DDX54: variants seen among roughly 807,000 people sequenced by gnomAD.
DDX54 encodes DEAD-box helicase 54.
In DDX54, 67 loss-of-function variants were observed where a neutral mutation model predicts 105.5. That is an observed-to-expected ratio of 0.64 (90% CI 0.52 to 0.78). The LOEUF is 0.78. DDX54 is among the 30% of genes least tolerant of loss of function. DDX54 has a pLI of 0.00. For missense variants in DDX54, 1,206 were observed against 1,230.5 expected (o/e 0.98, Z 0.30); for synonymous variants, 514 against 509.9 (o/e 1.01, Z -0.11).
rs758743505 is a variant in DDX54 at position 113,172,575 on chromosome 12, A to C, written c.1069-12T>G. 2.2e-5 allele frequency: 36 copies of C among 1,613,402 alleles called. No homozygotes were observed. Among genetic ancestry groups the C allele is most frequent in the Non-Finnish European group, 3.0e-5 (35 of 1,179,688 alleles). ...TGGGTCGTCAGCAGCTGCTCAGAGC[A>C]AAGATGGTAGCAAAGTGAGAAGGAG... On this transcript the variant is annotated splice_polypyrimidine_tract_variant and intron_variant, in intron 10 of 19. Transcript: ENST00000306014.
chr12:113,185,343 G>A lies in DDX54; in HGVS notation c.109C>T (p.Arg37Cys). 8.2e-6 allele frequency: 13 copies of A among 1,584,638 alleles called. No individual in the cohort carries two copies. Among genetic ancestry groups the A allele is most frequent in the Non-Finnish European group, 1.1e-5 (13 of 1,168,880 alleles). The change falls in exon 1 of 20, where the codon CGC (arginine) becomes TGC (cysteine). Residue 37 changes from arginine (R) to cysteine (C), a missense_variant. Arg to Cys is a radical substitution (Grantham distance 180, BLOSUM62 -3). This residue lies in a region of DDX54 where 212 missense variants were observed against 155.4 expected (regional missense o/e 1.36). Transcript: ENST00000306014. ...RKRRGAASQA[R>C]GSDSEDGEFE... ...TCGCCGTCCTCCGAGTCGCTGCCGC[G>A]GGCCTGGGAGGCCGCGCCTCGGCGC... is the stretch of plus-strand genomic sequence containing the variant.
intron 12 of DDX54, chr12:113,167,968 G>A (rs1385497657): frequency 3.9e-6 from 2 of 506,408 alleles, no homozygotes; most frequent in South Asian, 1.4e-5. Flanking sequence ...CTTGGCCCTT[G>A]CACTCTCAGC....
chr12:113,173,243 G>A (rs1264871654), intron 10 of DDX54, among the ~76,000 whole-genome samples: 1 of 152,196 alleles, frequency 6.6e-6, no homozygotes, highest in Non-Finnish European at 1.5e-5. Flanking sequence ...TACAGTCCCA[G>A]GTACTTCGGA....
In DDX54 at chr12:113,161,370, C is replaced by G. The variant is rs904522336; in HGVS notation, c.2313G>C (p.Trp771Cys). The part of the protein sequence containing the change: ...SSYKRDLYQK[W>C]KQKQKIDDRD... ...GATCATCAATTTTCTGTTTCTGTTT[C>G]CACTTCTGATAGCTGGGAAACCTCG... is the stretch of plus-strand genomic sequence containing the variant. Residue 771 changes from tryptophan (W) to cysteine (C), a missense_variant, in exon 19 of 20, where the codon TGG (tryptophan) becomes TGC (cysteine). Physicochemically the swap from Trp to Cys is radical, Grantham distance 215. Around this residue, in one of 3 missense-constraint regions of DDX54, gnomAD observed 961 missense variants for 1,019.1 expected, o/e 0.94. Transcript: ENST00000306014. The G allele has an allele frequency of 6.2e-7, 1 of 1,612,740 alleles. No homozygotes were observed. Among genetic ancestry groups the G allele is most frequent in the Non-Finnish European group, 8.5e-7 (1 of 1,179,368 alleles).
At chr12:113,175,657 C>T (rs777855527) in intron 7 of DDX54, among the ~76,000 whole-genome samples, 59 of 152,124 alleles carry the variant, frequency 3.9e-4, no homozygotes, top group South Asian at 6.2e-4. Context: ...GGCGTGGTGG[C>T]GGGCGCCTGT....
At chr12:113,184,048 G>C (rs1952495935) in intron 1 of DDX54, among the ~76,000 whole-genome samples, 1 of 152,132 alleles carries the variant, frequency 6.6e-6, no homozygotes, top group South Asian at 2.1e-4. Flanking sequence ...CCAGTTTCAA[G>C]CGATTCTCCT....
chr12:113,174,531 G>T, intron 10 of DDX54, 109 bp downstream of exon 10: 1 of 1,450,946 alleles, frequency 6.9e-7, no homozygotes, highest in Non-Finnish European at 9.2e-7. Flanking sequence ...TTGAGCCCAG[G>T]CCCAGGCTCC....
At chr12:113,182,708 C>T (rs111265589) in intron 1 of DDX54, among the ~76,000 whole-genome samples, 7,502 of 151,988 alleles carry the variant, frequency 0.049, 261 homozygotes, top group Middle Eastern at 0.068. Context: ...CAGGCACATG[C>T]CACCAGCCCG....
In DDX54 at chr12:113,185,476, A is replaced by G. The variant is rs1051047086; in HGVS notation, c.-25T>C. On this transcript the variant is annotated 5_prime_UTR_variant, in exon 1 of 20. Transcript: ENST00000306014. Reference sequence around the variant, plus strand: ...TTCGGGCCGCGCGCTGGGAACGCAGAAGGGGGCGTGGCCTGAGGAGCGCAC... The same window carrying G: ...TTCGGGCCGCGCGCTGGGAACGCAGGAGGGGGCGTGGCCTGAGGAGCGCAC... The G allele has an allele frequency of 1.0e-5, 15 of 1,474,212 alleles. No individual in the cohort carries two copies. The highest frequency in any genetic ancestry group is 1.5e-5 in the African/African-American group (1 of 66,830). 91.3% of individuals were successfully genotyped at this position (1,474,212 alleles called of 1,614,324 possible).
In DDX54 at chr12:113,179,927, C is replaced by T. The variant is rs201015296; in HGVS notation, c.375+8G>A. On this transcript the variant is annotated splice_region_variant and intron_variant, in intron 3 of 19. Coordinates refer to ENST00000306014, the MANE Select transcript of DDX54 (RefSeq NM_024072.4). The stretch of plus-strand genomic sequence containing the variant: ...TCGCCCTCACCCGTCGACCGCCCCA[C>T]CCCTCACCTTCCTCTGGATGGGTGT... The T allele has an allele frequency of 7.6e-5, 122 of 1,614,118 alleles. No homozygotes were observed. The African/African-American group carries it at 1.4e-3, about 18-fold the overall frequency.
At chr12:113,177,186 C>G (rs540408235) in intron 5 of DDX54, 93 bp from the exon 6 acceptor site, 3 of 1,459,584 alleles carry the variant, frequency 2.1e-6, no homozygotes, top group East Asian at 4.6e-5. Flanking sequence ...CACACCCCAT[C>G]CCCAGGAACA....
In DDX54 at chr12:113,158,236, C is replaced by T. The variant is rs7978390; in HGVS notation, c.*641G>A. ...CAGAGGGGAGCAGCTGTGTCCTTGC[C>T]CCCTGGGCTGGGCATCCTGTTCCCC... On this transcript the variant is annotated 3_prime_UTR_variant, in exon 20 of 20. Transcript: ENST00000306014. The surrounding 1 kb of genome is among the most constrained non-coding windows in gnomAD (Gnocchi z 4.9). 5,801 of 154,090 alleles carry T rather than the reference C, an allele frequency of 0.038. 289 individuals carry two copies. The highest frequency in any genetic ancestry group is 0.2 in the East Asian group (1,061 of 5,210). 9.5% of individuals were successfully genotyped at this position (154,090 alleles called of 1,614,324 possible).
In DDX54 at chr12:113,157,291, G is replaced by A; in HGVS notation, c.*1586C>T. 1 of 399,130 alleles carries A rather than the reference G, an allele frequency of 2.5e-6. No homozygotes were observed. The highest frequency in any genetic ancestry group is 4.6e-6 in the Non-Finnish European group (1 of 219,010). 24.7% of individuals were successfully genotyped at this position (399,130 alleles called of 1,614,324 possible). ...AGGTCACAAACCAATGAATATGACT[G>A]ATCCAGTTACAAGAAAATAAAGCTG... On this transcript the variant is annotated 3_prime_UTR_variant, in exon 20 of 20. Transcript: ENST00000306014.
chr12:113,159,734 AAGC>A (rs902965551), intron 19 of DDX54, among the ~76,000 whole-genome samples: 4 of 152,076 alleles, frequency 2.6e-5, no homozygotes, highest in Admixed American at 2.6e-4. Flanking sequence ...TCACACAGCA[AAGC>A]AGCAGCAGCA....
chr12:113,159,835 C>T (rs1267568366), intron 19 of DDX54, among the ~76,000 whole-genome samples: 1 of 152,100 alleles, frequency 6.6e-6, no homozygotes, highest in Non-Finnish European at 1.5e-5. Context: ...CACCACCCTC[C>T]CTGGCTCCCA....
chr12:113,179,337 G>T lies in DDX54; in HGVS notation c.376-6C>A. On this transcript the variant is annotated splice_polypyrimidine_tract_variant and splice_region_variant and intron_variant, in intron 3 of 19. Transcript: ENST00000306014. ...TCCAAGATCACCGGGATGGTCTGGAGAGGCACAAGCAGGGAAGTCAAGGTC... is the reference window on the plus strand; with the variant it reads ...TCCAAGATCACCGGGATGGTCTGGATAGGCACAAGCAGGGAAGTCAAGGTC... The T allele has an allele frequency of 1.9e-6, 3 of 1,611,854 alleles. No individual in the cohort carries two copies. Among genetic ancestry groups the T allele is most frequent in the Non-Finnish European group, 2.5e-6 (3 of 1,179,918 alleles).
intron 19 of DDX54, 99 bp downstream of exon 19, chr12:113,161,171 C>T: frequency 1.1e-6 from 1 of 904,072 alleles, no homozygotes; most frequent in Non-Finnish European, 1.6e-6. Context: ...AGCTCTGGGG[C>T]TCTGCAGTAG....
At position 113,169,855 on chromosome 12, in the gene DDX54, G is replaced by A. The variant is rs200652285; in HGVS notation, c.1329C>T (p.Ala443=). 2.2e-5 allele frequency: 35 copies of A among 1,613,998 alleles called. No individual in the cohort carries two copies. The Admixed American group carries it at 5.7e-4, about 26-fold the overall frequency. ...GRSGTAYSLV[A]PDEIPYLLDL... ...CCAGCAGGTAGGGGATTTCATCAGG[G>A]GCCACCAAGGAGTAGGCTGTGCCAC... is the stretch of plus-strand genomic sequence containing the variant. The change falls in exon 12 of 20, where the codon GCC becomes GCT. Residue 443 remains alanine, a synonymous_variant. Coordinates refer to ENST00000306014, the MANE Select transcript of DDX54 (RefSeq NM_024072.4).
At position 113,161,330 on chromosome 12, in the gene DDX54, C is replaced by T. The variant is rs1488816012; in HGVS notation, c.2353G>A (p.Glu785Lys). 1 of 1,613,698 alleles carries T rather than the reference C, an allele frequency of 6.2e-7. No individual in the cohort carries two copies. The highest frequency in any genetic ancestry group is 1.7e-5 in the Admixed American group (1 of 59,998). The change falls in exon 19 of 20, where the codon GAA becomes AAA. Residue 785 changes from glutamate (E) to lysine (K), a missense_variant. Physicochemically the swap from Glu to Lys is moderately conservative, Grantham distance 56 (BLOSUM62 1). Transcript: ENST00000306014. The stretch of plus-strand genomic sequence containing the variant: ...GGGCCTCGCCGGTCAGATGCCCCTT[C>T]TTCGTCCGAGTCACGATCATCAATT... Reference protein sequence around the residue: ...QKIDDRDSDEEGASDRRGPER... With the variant: ...QKIDDRDSDEKGASDRRGPER...
Sources: gnomAD v4.1 joint callset for allele counts (sites outside exome capture counted in the v4.1 genomes callset) on GRCh38, gnomAD v4.1.1 for gene constraint, gnomAD v4.1.1 regional missense constraint, Gnocchi (gnomAD v3.1) non-coding constraint, MANE v1.5 for transcripts, NCBI Gene and HGNC (gene_info 2026-07-23, HGNC 2026-07-21) for gene names.